ARMH4: variants seen among roughly 807,000 people sequenced by gnomAD.
ARMH4 encodes the protein armadillo like helical domain containing 4.
Under a neutral mutation model 61.9 loss-of-function variants are expected in ARMH4, and 49 were observed. That is an observed-to-expected ratio of 0.79 (90% CI 0.63 to 1.00). The LOEUF (loss-of-function observed/expected upper bound fraction) is 1.00. ARMH4 is among the 50% of genes least tolerant of loss of function. The pLI, the probability that ARMH4 is intolerant of heterozygous loss-of-function variation, is 0.00. For synonymous variants in ARMH4, 368 were observed against 341.5 expected, an observed-to-expected ratio of 1.08 and a Z score of -0.85; for missense variants, 934 against 930.0, an observed-to-expected ratio of 1.00 and a Z score of -0.06.
Position 58,131,647 on chromosome 14 carries a change from T to C in ARMH4, c.1696A>G (p.Ile566Val), listed in dbSNP as rs571704933. Residue 566 changes from isoleucine to valine, a missense_variant, in exon 4 of 8, where the codon ATA (isoleucine) becomes GTA (valine). Transcript: ENST00000267485. The part of the protein sequence containing the change: ...VLGSPVTPPG[I>V]MVGEPSISPA... ...GAAATGCTGGGTTCCCCCACCATTA[T>C]TCCAGGAGGTGTCACTGGAGATCCC... 2 of 1,614,154 alleles carry C rather than the reference T, an allele frequency of 1.2e-6. No individual in the cohort carries two copies. The highest frequency in any genetic ancestry group is 1.7e-5 in the Admixed American group (1 of 60,022).
At chr14:58,083,739 C>G (rs1426457772) in intron 5 of ARMH4, among the ~76,000 whole-genome samples, 1 of 152,196 alleles carries the variant, frequency 6.6e-6, no homozygotes. Context: ...ATTCTCTAAA[C>G]AAGCAAATTA....
At chr14:58,067,930 G>C (rs1477414882) in intron 5 of ARMH4, among the ~76,000 whole-genome samples, 1 of 152,214 alleles carries the variant, frequency 6.6e-6, no homozygotes. Context: ...AAGTGAAAGA[G>C]AGTGTCACAT....
intron 5 of ARMH4, among the ~76,000 whole-genome samples, chr14:58,040,821 T>A (rs1883668253): frequency 6.6e-6 from 1 of 152,174 alleles, no homozygotes; most frequent in African/African-American, 2.4e-5. Context: ...GTGAACTAAA[T>A]CAGTTGTTAT....
At chr14:58,036,342 AT>A (rs1883482732) in intron 5 of ARMH4, among the ~76,000 whole-genome samples, 1 of 78,790 alleles carries the variant, frequency 1.3e-5, no homozygotes, top group Non-Finnish European at 2.7e-5. Context: ...CTTTGACAAA[AT>A]TCAACAACCC....
rs1881965416 is a variant in ARMH4, at chr14:58,001,024, T to G, written c.*3712A>C. On this transcript the variant is annotated 3_prime_UTR_variant, in exon 8 of 8. Coordinates refer to ENST00000267485, the MANE Select transcript of ARMH4 (RefSeq NM_001001872.4). ...AATCAACATCTCCCCACCTTTAACT[T>G]TGCCCAGCCCGTGGCAAGCACCATT... The G allele has an allele frequency of 6.6e-6, 1 of 152,206 alleles. No individual in the cohort carries two copies. The highest frequency in any genetic ancestry group is 2.4e-5 in the African/African-American group (1 of 41,458). 9.4% of individuals were successfully genotyped at this position (152,206 alleles called of 1,614,324 possible).
intron 2 of ARMH4, among the ~76,000 whole-genome samples, chr14:58,137,761 T>A (rs1016839963): frequency 1.3e-5 from 2 of 152,190 alleles, no homozygotes; most frequent in African/African-American, 2.4e-5. Context: ...CATTTTTTTA[T>A]TCTTTTTCAG....
intron 5 of ARMH4, among the ~76,000 whole-genome samples, chr14:58,046,020 C>A (rs1229207338): frequency 1.3e-5 from 2 of 152,222 alleles, no homozygotes; most frequent in Non-Finnish European, 2.9e-5. Flanking sequence ...CCTGCTGACA[C>A]CTGGCTTTTT....
intron 4 of ARMH4, among the ~76,000 whole-genome samples, chr14:58,121,785 A>G (rs961810859): frequency 3.3e-5 from 5 of 152,246 alleles, no homozygotes; most frequent in Non-Finnish European, 7.3e-5. Flanking sequence ...AATCTGTCAT[A>G]TAAGACACTT....
At chr14:58,013,757 G>C (rs1882498816) in intron 5 of ARMH4, among the ~76,000 whole-genome samples, 3 of 152,038 alleles carry the variant, frequency 2.0e-5, no homozygotes, top group Admixed American at 2.0e-4. Context: ...GGTGTCATTG[G>C]GGCCGAGCAC....
chr14:58,051,987 C>A (rs1303476435), intron 5 of ARMH4, among the ~76,000 whole-genome samples: 1 of 152,164 alleles, frequency 6.6e-6, no homozygotes, highest in Non-Finnish European at 1.5e-5. Context: ...CGATTCTGTT[C>A]CAGACCACTT....
At chr14:58,055,297 G>A (rs369998526) in intron 5 of ARMH4, among the ~76,000 whole-genome samples, 9 of 152,282 alleles carry the variant, frequency 5.9e-5, no homozygotes, top group African/African-American at 2.2e-4. Context: ...AGGACAGATA[G>A]CTGTATATAA....
chr14:58,142,449 T>C (rs367991257), intron 1 of ARMH4, among the ~76,000 whole-genome samples: 13,060 of 151,986 alleles, frequency 0.086, 822 homozygotes, highest in African/African-American at 0.18. Flanking sequence ...CTCCTTTTTT[T>C]GTTTCTTTTC....
Position 58,138,273 on chromosome 14 carries a change from A to G in ARMH4, c.1086T>C (p.Ala362=), listed in dbSNP as rs1887380513. 1 of 1,614,216 alleles carries G rather than the reference A, an allele frequency of 6.2e-7. No individual in the cohort carries two copies. The highest frequency in any genetic ancestry group is 1.1e-5 in the South Asian group (1 of 91,080). The change falls in exon 2 of 8, where the codon GCT becomes GCC. Residue 362 remains alanine (A), a synonymous_variant. Coordinates refer to ENST00000267485, the MANE Select transcript of ARMH4 (RefSeq NM_001001872.4). ...CAGGCAGCCCCAGAGCCACCTGTGC[A>G]GCCTCTGTCCAAGGCTGGCCTCCTT... The part of the protein sequence containing the change: ...GMEGGQPWTE[A]AQVALGLPEG...
At chr14:58,122,707 A>G (rs1298389814) in intron 4 of ARMH4, among the ~76,000 whole-genome samples, 1 of 152,120 alleles carries the variant, frequency 6.6e-6, no homozygotes, top group Non-Finnish European at 1.5e-5. Flanking sequence ...GGGCAAATCG[A>G]ATGCCTAATA....
At chr14:58,085,885 T>C (rs929294645) in intron 5 of ARMH4, among the ~76,000 whole-genome samples, 1 of 151,938 alleles carries the variant, frequency 6.6e-6, no homozygotes, top group East Asian at 1.9e-4. Context: ...AAAAAGAAAA[T>C]ATTTTCAAAC....
chr14:58,038,532 C>A (rs1178404373), intron 5 of ARMH4, among the ~76,000 whole-genome samples: 1 of 116,312 alleles, frequency 8.6e-6, no homozygotes, highest in African/African-American at 3.1e-5. Context: ...TGCACATGTA[C>A]CCTAAAATTT....
At chr14:58,028,957 T>G (rs536834944) in intron 5 of ARMH4, among the ~76,000 whole-genome samples, 278 of 152,294 alleles carry the variant, frequency 1.8e-3, no homozygotes, top group African/African-American at 6.4e-3. Context: ...TTTTAAAGTG[T>G]GCAATTCAGT....
At chr14:58,025,086 A>C (rs1882979152) in intron 5 of ARMH4, among the ~76,000 whole-genome samples, 1 of 152,204 alleles carries the variant, frequency 6.6e-6, no homozygotes, top group Non-Finnish European at 1.5e-5. Flanking sequence ...AGACTGGTTG[A>C]GTGCAGGTTG....
chr14:58,084,389 T>A (rs530504889), intron 5 of ARMH4, among the ~76,000 whole-genome samples: 33 of 152,300 alleles, frequency 2.2e-4, no homozygotes, highest in Non-Finnish European at 3.7e-4. Context: ...ACTATTGGTC[T>A]ATTTCCCCCG....
Sources: allele counts gnomAD v4.1 joint callset (sites outside exome capture counted in the v4.1 genomes callset), GRCh38; gene constraint gnomAD v4.1.1; transcripts MANE v1.5; gene names NCBI Gene and HGNC (gene_info 2026-07-23, HGNC 2026-07-21).